The following FRMPD1 variants were observed in gnomAD, a reference collection of about 807,000 sequenced individuals.
FRMPD1 encodes the protein FERM and PDZ domain containing 1.
Under a neutral mutation model 117.8 loss-of-function variants are expected in FRMPD1, and 76 were observed. The observed-to-expected ratio is 0.65, with a 90% CI of 0.54 to 0.78. The LOEUF is 0.78. Among genes scored for constraint, FRMPD1 ranks in the 30% least tolerant of loss-of-function variants. The pLI is 0.00. For missense variants in FRMPD1, 1,786 were observed against 1,964.5 expected (o/e 0.91, Z 1.72); for synonymous variants, 783 against 770.4 (o/e 1.02, Z -0.27).
At chr9:37,738,623 G>A (rs901641161) in intron 14 of FRMPD1, among the ~76,000 whole-genome samples, 5 of 152,304 alleles carry the variant, frequency 3.3e-5, no homozygotes, top group African/African-American at 9.6e-5. Context: ...ACAGGCATGA[G>A]CCACGGCGCC....
At chr9:37,684,820 C>T (rs1821863896) in intron 1 of FRMPD1, among the ~76,000 whole-genome samples, 1 of 152,122 alleles carries the variant, frequency 6.6e-6, no homozygotes, top group South Asian at 2.1e-4. Flanking sequence ...GTGGCATGGT[C>T]ATGGCTCACT....
intron 1 of FRMPD1, among the ~76,000 whole-genome samples, chr9:37,666,686 C>T (rs560599324): frequency 6.6e-6 from 1 of 152,314 alleles, no homozygotes; most frequent in South Asian, 2.1e-4. Flanking sequence ...ACTAGCCTCT[C>T]TGCACTGGTC....
the FRMPD1 span, among the ~76,000 whole-genome samples, chr9:37,630,310 G>A: frequency 6.6e-6 from 1 of 152,090 alleles, no homozygotes; most frequent in Non-Finnish European, 1.5e-5. Flanking sequence ...CACTGTTGAT[G>A]TTCCCTAGAA....
intron 1 of FRMPD1, among the ~76,000 whole-genome samples, chr9:37,680,699 T>C (rs1435581415): frequency 6.6e-6 from 1 of 152,168 alleles, no homozygotes; most frequent in Non-Finnish European, 1.5e-5. Flanking sequence ...CCAGAACTTC[T>C]TGACGTGAAT....
Position 37,660,085 on chromosome 9 carries a change from C to T in FRMPD1, c.-5+8991C>T, listed in dbSNP as rs151236663. On this transcript the variant is annotated intron_variant, in intron 1 of 15. Coordinates refer to ENST00000377765, the MANE Select transcript of FRMPD1 (RefSeq NM_014907.3). ...TGCTGCCCCCAGGATTCCTGTCCGA[C>T]GGCATCCTCCTAGATGGCTGCTGCA... 8.2e-4 allele frequency among the ~76,000 whole-genome samples: 125 copies of T among 151,998 alleles called. No homozygotes were observed. The Middle Eastern group carries it at 0.017, about 21-fold the overall frequency.
chr9:37,684,483 C>T (rs1821851524), intron 1 of FRMPD1, among the ~76,000 whole-genome samples: 1 of 152,100 alleles, frequency 6.6e-6, no homozygotes, highest in African/African-American at 2.4e-5. Context: ...GAAGGGGAAC[C>T]ACTGGGGGAT....
chr9:37,740,680 T>C lies in FRMPD1; in HGVS notation c.2152T>C (p.Tyr718His), dbSNP rs1824358973. 6.2e-7 allele frequency: 1 copy of C among 1,614,152 alleles called. No individual in the cohort carries two copies. The highest frequency in any genetic ancestry group is 8.5e-7 in the Non-Finnish European group (1 of 1,180,018). The stretch of plus-strand genomic sequence containing the variant: ...GTGTTCCAGTGTCTCCCCGGCCAGC[T>C]ACCTGAGTGACAGTTCCGAGAGTAC... Reference protein sequence around the residue: ...SLCSSVSPASYLSDSSESTAS... With the variant: ...SLCSSVSPASHLSDSSESTAS... The change falls in exon 15 of 16, where the codon TAC becomes CAC. Residue 718 changes from tyrosine (Y) to histidine (H), a missense_variant. Physicochemically the swap from Tyr to His is moderately conservative, Grantham distance 83. Transcript: ENST00000377765. The surrounding 1 kb of genome is among the most constrained non-coding windows in gnomAD (Gnocchi z 4.2).
intron 1 of FRMPD1, among the ~76,000 whole-genome samples, chr9:37,671,252 A>G (rs1333926592): frequency 1.3e-5 from 2 of 152,148 alleles, no homozygotes; most frequent in Admixed American, 6.5e-5. Context: ...AATCAAACTC[A>G]TTTTGCAAGG....
At chr9:37,648,338 C>T (rs953925776), upstream of FRMPD1, among the ~76,000 whole-genome samples, 1 of 151,916 alleles carries the variant, frequency 6.6e-6, no homozygotes, top group Admixed American at 6.6e-5. Context: ...GTTTGGTGTG[C>T]AGGTGTGGGG....
chr9:37,634,320 A>G, the FRMPD1 span, among the ~76,000 whole-genome samples: 1 of 152,140 alleles, frequency 6.6e-6, no homozygotes, highest in Non-Finnish European at 1.5e-5. Flanking sequence ...CATATCTTAT[A>G]CAACCCTTAG....
the FRMPD1 span, among the ~76,000 whole-genome samples, chr9:37,608,265 T>C: frequency 6.6e-6 from 1 of 152,224 alleles, no homozygotes; most frequent in South Asian, 2.1e-4. Flanking sequence ...TTAAGAAACA[T>C]GGCATAACTT....
At chr9:37,693,977 CT>C (rs1164883306) in intron 2 of FRMPD1, among the ~76,000 whole-genome samples, 1 of 152,200 alleles carries the variant, frequency 6.6e-6, no homozygotes, top group Non-Finnish European at 1.5e-5. Flanking sequence ...TGTGCTCCCC[CT>C]GGTGCATTCA....
intron 7 of FRMPD1, among the ~76,000 whole-genome samples, chr9:37,726,154 A>G (rs1823606796): frequency 6.6e-6 from 1 of 152,224 alleles, no homozygotes; most frequent in Non-Finnish European, 1.5e-5. Context: ...TTTTTAAAGC[A>G]AAGTCTTTAG....
In FRMPD1 at chr9:37,735,729, G is replaced by A. The variant is rs143999612; in HGVS notation, c.1396G>A (p.Val466Ile). 2.6e-4 allele frequency: 420 copies of A among 1,610,428 alleles called. No homozygotes were observed. Among genetic ancestry groups the A allele is most frequent in the Non-Finnish European group, 3.4e-4 (396 of 1,177,036 alleles). The change falls in exon 13 of 16, where the codon GTC becomes ATC. Residue 466 changes from valine to isoleucine, a missense_variant. Val to Ile is a conservative substitution (Grantham distance 29). Transcript: ENST00000377765. ...VSVVKVYLQD[V>I]KVLTLLLESN... ...CGTCGTCAAAGTGTATCTTCAGGAC[G>A]TCAAGGTAACACAATGGGGAGAGAT...
chr9:37,713,792 A>T (rs1415019020), intron 5 of FRMPD1, among the ~76,000 whole-genome samples: 1 of 152,206 alleles, frequency 6.6e-6, no homozygotes, highest in Admixed American at 6.5e-5. Context: ...TTTGGAAAAA[A>T]TACAGTCTCA....
At chr9:37,678,542 C>T (rs906710014) in intron 1 of FRMPD1, among the ~76,000 whole-genome samples, 9 of 151,940 alleles carry the variant, frequency 5.9e-5, no homozygotes, top group Admixed American at 3.3e-4. Flanking sequence ...ATTACAGGCA[C>T]GAGCCACCAC....
rs767115433 is a variant in FRMPD1, at chr9:37,733,777, C to T, written c.1170C>T (p.Leu390=). ...AQLRLNYLQI[L]GELKTYGGRI... The stretch of plus-strand genomic sequence containing the variant: ...TACGTTTAAATTATCTACAGATCCT[C>T]GGAGAACTCAAGACATATGGTGGAA... Residue 390 remains leucine (L), a synonymous_variant, in exon 12 of 16, where the codon CTC becomes CTT. Coordinates refer to ENST00000377765, the MANE Select transcript of FRMPD1 (RefSeq NM_014907.3). The T allele has an allele frequency of 3.7e-5, 59 of 1,607,078 alleles. No individual in the cohort carries two copies. The highest frequency in any genetic ancestry group is 1.5e-4 in the Admixed American group (9 of 59,980).
chr9:37,626,409 G>A, the FRMPD1 span, among the ~76,000 whole-genome samples: 1 of 150,466 alleles, frequency 6.6e-6, no homozygotes, highest in African/African-American at 2.5e-5. Context: ...GGAGGCTGAG[G>A]CATGAGAATT....
the FRMPD1 span, among the ~76,000 whole-genome samples, chr9:37,642,025 C>T: frequency 2.6e-5 from 4 of 152,170 alleles, no homozygotes; most frequent in African/African-American, 9.7e-5. Flanking sequence ...AGGCCCTTTG[C>T]TCTTTAAAAT....
Sources: allele counts gnomAD v4.1 joint callset (sites outside exome capture counted in the v4.1 genomes callset), GRCh38; gene constraint gnomAD v4.1.1; non-coding constraint Gnocchi (gnomAD v3.1); transcripts MANE v1.5; gene names NCBI Gene and HGNC (gene_info 2026-07-23, HGNC 2026-07-21).